Variants in PTPRT observed in about 807,000 individuals in gnomAD.
PTPRT encodes the protein protein tyrosine phosphatase receptor type T.
A neutral mutation model predicts 176.8 loss-of-function variants in PTPRT; 56 were observed. That is an observed-to-expected ratio of 0.32 (90% CI 0.26 to 0.40). The LOEUF (loss-of-function observed/expected upper bound fraction) is 0.40, where lower values mean the gene tolerates loss of function less well. PTPRT is among the 10% of genes least tolerant of loss of function. The pLI is 1.00. For missense variants in PTPRT, 1,540 were observed against 1,908.2 expected, an observed-to-expected ratio of 0.81 and a Z score of 3.60; for synonymous variants, 783 against 739.0, an observed-to-expected ratio of 1.06 and a Z score of -0.96.
intron 9 of PTPRT, among the ~76,000 whole-genome samples, chr20:42,429,376 G>T (rs1176700406): frequency 1.3e-5 from 2 of 152,162 alleles, no homozygotes; most frequent in Non-Finnish European, 2.9e-5. Context: ...CTAAGTAAGC[G>T]AGAGTGGGAG....
At chr20:43,010,879 T>C (rs1361726062) in intron 1 of PTPRT, among the ~76,000 whole-genome samples, 1 of 152,134 alleles carries the variant, frequency 6.6e-6, no homozygotes, top group African/African-American at 2.4e-5. Context: ...TGGGGAAATT[T>C]CATTCCACTC....
intron 2 of PTPRT, among the ~76,000 whole-genome samples, chr20:42,849,810 A>T (rs1331570118): frequency 6.6e-6 from 1 of 152,172 alleles, no homozygotes; most frequent in African/African-American, 2.4e-5. Flanking sequence ...TCCTCAATAA[A>T]TGTTAGCTCT....
intron 1 of PTPRT, among the ~76,000 whole-genome samples, chr20:43,045,455 A>ATTTTTTTT (rs143406929): frequency 1.6e-5 from 2 of 127,248 alleles, no homozygotes; most frequent in Admixed American, 8.5e-5. Context: ...TCTTTTTTTC[A>ATTTTTTTT]TTTTTTTTTT....
intron 9 of PTPRT, among the ~76,000 whole-genome samples, chr20:42,359,841 G>A (rs555618198): frequency 1.8e-4 from 27 of 152,302 alleles, no homozygotes; most frequent in African/African-American, 5.3e-4. Flanking sequence ...ACCCATGCCC[G>A]TGGTTCCTGG....
intron 15 of PTPRT, 150 bp from the exon 16 acceptor site, chr20:42,199,538 A>C: frequency 6.9e-6 from 6 of 865,050 alleles, no homozygotes; most frequent in Non-Finnish European, 1.1e-5. Context: ...ACAAACCATG[A>C]ATGGTTTCCA....
intron 1 of PTPRT, among the ~76,000 whole-genome samples, chr20:42,926,562 A>G (rs989687697): frequency 1.1e-4 from 16 of 152,122 alleles, no homozygotes; most frequent in African/African-American, 3.6e-4. Flanking sequence ...TGGGGCCAAG[A>G]CTCTGGCTGT....
chr20:42,689,237 A>G (rs2146111540), intron 6 of PTPRT, among the ~76,000 whole-genome samples: 1 of 152,328 alleles, frequency 6.6e-6, no homozygotes, highest in Non-Finnish European at 1.5e-5. Flanking sequence ...TGAACGTTGG[A>G]ACCAGCAGAC....
intron 15 of PTPRT, among the ~76,000 whole-genome samples, chr20:42,201,599 A>G (rs1197612972): frequency 2.0e-5 from 3 of 152,064 alleles, no homozygotes; most frequent in Non-Finnish European, 4.4e-5. Flanking sequence ...CCAGAGGAAC[A>G]AATAGAGGAA....
intron 27 of PTPRT, among the ~76,000 whole-genome samples, chr20:42,086,753 A>AAAAATATATATATATATATATATATAT (rs1983991312): frequency 1.0e-5 from 1 of 95,548 alleles, no homozygotes; most frequent in African/African-American, 4.9e-5. Flanking sequence ...AAAAAAAAAA[A>AAAAATATATATATATATATATATATAT]ATATATATAT....
chr20:42,607,313 C>T (rs2073896367), intron 7 of PTPRT: 1 of 152,098 alleles, frequency 6.6e-6, no homozygotes, highest in Non-Finnish European at 1.5e-5. Context: ...CTCAACTCTA[C>T]ATTTAAAAAT....
At chr20:42,685,959 G>C (rs543663879) in intron 6 of PTPRT, 13 of 152,226 alleles carry the variant, frequency 8.5e-5, no homozygotes, top group African/African-American at 2.9e-4. Flanking sequence ...CAGGAGTCAA[G>C]AACCACGATT....
chr20:43,001,867 CAAACAAACAAACAAAA>C (rs1327444830), intron 1 of PTPRT, among the ~76,000 whole-genome samples: 4 of 145,678 alleles, frequency 2.7e-5, no homozygotes, highest in African/African-American at 1.1e-4. Flanking sequence ...AACAAACAAA[CAAACAAACAAACAAAA>C]AAACAAACAA....
At chr20:42,329,286 T>C (rs897202211) in intron 11 of PTPRT, among the ~76,000 whole-genome samples, 8 of 152,284 alleles carry the variant, frequency 5.3e-5, no homozygotes, top group Middle Eastern at 3.4e-3. Context: ...GAGAATATGA[T>C]AAAGGGATTT....
intron 1 of PTPRT, among the ~76,000 whole-genome samples, chr20:43,082,352 A>G (rs1319323806): frequency 6.6e-6 from 1 of 152,174 alleles, no homozygotes; most frequent in East Asian, 1.9e-4. Flanking sequence ...TTTTAGCTTA[A>G]CAAAGTATAT....
At chr20:42,252,696 A>C (rs56339234) in intron 13 of PTPRT, among the ~76,000 whole-genome samples, 3 of 152,220 alleles carry the variant, frequency 2.0e-5, no homozygotes, top group Non-Finnish European at 4.4e-5. Flanking sequence ...ATTCCAAGAC[A>C]TTCCTAAATA....
At chr20:42,898,200 C>T (rs576116734) in intron 1 of PTPRT, among the ~76,000 whole-genome samples, 5 of 152,174 alleles carry the variant, frequency 3.3e-5, no homozygotes, top group South Asian at 4.2e-4. Context: ...GAACCCTCTC[C>T]GAGAACCTTT....
chr20:42,486,281 C>T (rs1179495487), intron 7 of PTPRT, among the ~76,000 whole-genome samples: 1 of 152,132 alleles, frequency 6.6e-6, no homozygotes, highest in East Asian at 1.9e-4. Flanking sequence ...GCTACTTTTC[C>T]TCCTTGACTT....
intron 9 of PTPRT, among the ~76,000 whole-genome samples, chr20:42,406,130 GA>G (rs1315395347): frequency 6.6e-6 from 1 of 151,080 alleles, no homozygotes; most frequent in Non-Finnish European, 1.5e-5. Context: ...TTACAAATTA[GA>G]AAAAAAGGAA....
At chr20:42,964,521 C>T (rs1262687841) in intron 1 of PTPRT, among the ~76,000 whole-genome samples, 1 of 72,910 alleles carries the variant, frequency 1.4e-5, no homozygotes, top group African/African-American at 5.4e-5. Flanking sequence ...CTGTTAGAAA[C>T]CCAGAAATCA....
Sources: allele counts gnomAD v4.1 joint callset (sites outside exome capture counted in the v4.1 genomes callset), GRCh38; gene constraint gnomAD v4.1.1; transcripts MANE v1.5; gene names NCBI Gene and HGNC (gene_info 2026-07-23, HGNC 2026-07-21).